The following RABEP2 variants were observed in gnomAD, a reference collection of about 807,000 sequenced individuals.
RABEP2 encodes rab GTPase-binding effector protein 2.
Under a neutral mutation model 74.1 loss-of-function variants are expected in RABEP2, and 57 were observed. The ratio of observed to expected loss-of-function variants is 0.77; its 90% CI spans 0.62 to 0.96. RABEP2 has a LOEUF of 0.96. RABEP2 is among the 40% of genes least tolerant of loss of function. RABEP2 has a pLI of 0.00. For missense variants in RABEP2, 692 were observed against 756.3 expected, an observed-to-expected ratio of 0.91 and a Z score of 1.00; for synonymous variants, 351 against 344.0, an observed-to-expected ratio of 1.02 and a Z score of -0.23.
At chr16:28,907,587 C>T (rs1456542850) in intron 8 of RABEP2, among the ~76,000 whole-genome samples, 1 of 152,166 alleles carries the variant, frequency 6.6e-6, no homozygotes, top group Non-Finnish European at 1.5e-5. Flanking sequence ...GCGTGAGCCA[C>T]TGTGCCCAGC....
intron 2 of RABEP2, among the ~76,000 whole-genome samples, chr16:28,920,471 T>C (rs1964456532): frequency 6.6e-6 from 1 of 151,556 alleles, no homozygotes; most frequent in Non-Finnish European, 1.5e-5. Context: ...CTGCAACCTC[T>C]GCCTGCTGGG....
intron 1 of RABEP2, 44 bp downstream of exon 1, chr16:28,925,059 C>T (rs768831903): frequency 4.5e-6 from 7 of 1,545,702 alleles, no homozygotes; most frequent in South Asian, 2.3e-5. Context: ...GGCCCCGCCC[C>T]CAGCATCACC....
Position 28,905,759 on chromosome 16 carries a change from G to A in RABEP2, c.1436C>T (p.Ala479Val). 6.2e-7 allele frequency: 1 copy of A among 1,614,022 alleles called. No homozygotes were observed. Among genetic ancestry groups the A allele is most frequent in the East Asian group, 2.2e-5 (1 of 44,884 alleles). Reference sequence around the variant, plus strand: ...CTCTGTCCTCAGGCTGCACAGGGAGGCTGGGAAGTCAGGGCAGGGGGAGAC... The same window carrying A: ...CTCTGTCCTCAGGCTGCACAGGGAGACTGGGAAGTCAGGGCAGGGGGAGAC... The part of the protein sequence containing the change: ...VQREETEVLE[A>V]SLCSLRTEME... Residue 479 changes from alanine to valine, a missense_variant and splice_region_variant, in exon 11 of 13, where the codon GCC becomes GTC. By Grantham distance (64) the Ala-to-Val change is moderately conservative. Coordinates refer to ENST00000358201, the MANE Select transcript of RABEP2 (RefSeq NM_024816.3).
At position 28,910,956 on chromosome 16, in the gene RABEP2, A is replaced by C. The variant is rs1300889052; in HGVS notation, c.1021T>G (p.Ser341Ala). The change falls in exon 7 of 13, where the codon TCA (serine) becomes GCA (alanine). Residue 341 changes from serine to alanine, a missense_variant. By Grantham distance (99) the Ser-to-Ala change is moderately conservative (BLOSUM62 1). Coordinates refer to ENST00000358201, the MANE Select transcript of RABEP2 (RefSeq NM_024816.3). The stretch of plus-strand genomic sequence containing the variant: ...TGCAGGGTCCGCAGCAGCTGCTCTG[A>C]GTTCTGGACCTGGGCCAGGAGCACC... ...MQVLLAQVQN[S>A]EQLLRTLQGT... 1.2e-6 allele frequency: 2 copies of C among 1,612,622 alleles called. No individual in the cohort carries two copies. Among genetic ancestry groups the C allele is most frequent in the Admixed American group, 1.7e-5 (1 of 59,942 alleles).
At chr16:28,908,787 A>T (rs769348005) in intron 7 of RABEP2, 23 bp from the exon 8 acceptor site, 28 of 1,610,408 alleles carry the variant, frequency 1.7e-5, no homozygotes, top group Non-Finnish European at 2.2e-5. Flanking sequence ...AGTTAGTATA[A>T]GGCAATGAAG....
intron 8 of RABEP2, among the ~76,000 whole-genome samples, chr16:28,906,401 C>T (rs1237785407): frequency 1.3e-5 from 2 of 152,246 alleles, no homozygotes; most frequent in Admixed American, 6.5e-5. Context: ...TCAGGACACA[C>T]GACCATGCCC....
In RABEP2 at chr16:28,905,040, C is replaced by T. The variant is rs547810304; in HGVS notation, c.1613G>A (p.Arg538His). ...CTCAGCCTGGCGGATCCGCTCTAGG[C>T]GCACCTGCCGGATCGGACGAGGGGA... ...FVRLSQALQV[R>H]LERIRQAETL... Residue 538 changes from arginine (R) to histidine (H), a missense_variant, in exon 13 of 13, where the codon CGC becomes CAC. Coordinates refer to ENST00000358201, the MANE Select transcript of RABEP2 (RefSeq NM_024816.3). 3.7e-6 allele frequency: 6 copies of T among 1,602,884 alleles called. No individual in the cohort carries two copies. Among genetic ancestry groups the T allele is most frequent in the South Asian group, 3.3e-5 (3 of 90,916 alleles).
intron 3 of RABEP2, chr16:28,916,145 C>G (rs570990059): frequency 6.6e-6 from 1 of 152,204 alleles, no homozygotes; most frequent in African/African-American, 2.4e-5. Flanking sequence ...CATGAGCCAC[C>G]GTGCCTGGCC....
At chr16:28,920,937 C>G (rs913465617) in intron 2 of RABEP2, 1 of 278,022 alleles carries the variant, frequency 3.6e-6, no homozygotes, top group Admixed American at 4.6e-5. Flanking sequence ...AATCATGACT[C>G]ACTGCAACCT....
chr16:28,923,573 C>T (rs1490172366), intron 2 of RABEP2, among the ~76,000 whole-genome samples: 1 of 152,110 alleles, frequency 6.6e-6, no homozygotes, highest in Non-Finnish European at 1.5e-5. Flanking sequence ...GTAAACAGCA[C>T]AGTAAGTTGT....
In RABEP2 at chr16:28,925,112, GCCGC is replaced by G. The variant is rs1964518127; in HGVS notation, c.48_51del (p.Pro18GlyfsTer39). On this transcript the variant is annotated frameshift_variant, in exon 1 of 13. Coordinates refer to ENST00000358201, the MANE Select transcript of RABEP2 (RefSeq NM_024816.3). LOFTEE classifies it high-confidence loss of function. ...ACGCCCCCTCACGTACCAGCCCCCGGCCGCCGCCGCCGCTCATCGTCGTCCGCGG... is the reference window on the plus strand; with the variant it reads ...ACGCCCCCTCACGTACCAGCCCCCGGCGCCGCCGCTCATCGTCGTCCGCGG... 4.6e-6 allele frequency: 7 copies of G among 1,531,030 alleles called. No individual in the cohort carries two copies. The highest frequency in any genetic ancestry group is 6.1e-6 in the Non-Finnish European group (7 of 1,144,892). 94.8% of individuals were successfully genotyped at this position (1,531,030 alleles called of 1,614,324 possible). A position where few individuals can be genotyped will look rare whatever the true frequency, so the allele number is the denominator to read the frequency against.
intron 3 of RABEP2, among the ~76,000 whole-genome samples, chr16:28,915,706 G>A (rs370340610): frequency 2.0e-5 from 3 of 148,618 alleles, no homozygotes; most frequent in South Asian, 4.3e-4. Context: ...CACCACGCCC[G>A]GCTAATTTTT....
intron 5 of RABEP2, among the ~76,000 whole-genome samples, chr16:28,912,406 CT>C (rs58094012): frequency 0.32 from 37,327 of 116,772 alleles, 5,366 homozygotes; most frequent in Middle Eastern, 0.42. Flanking sequence ...TTCTTTCTTT[CT>C]TTTTTTTTTT....
At chr16:28,913,553 C>T (rs1302211823) in intron 5 of RABEP2, among the ~76,000 whole-genome samples, 16 of 151,948 alleles carry the variant, frequency 1.1e-4, no homozygotes, top group Admixed American at 1.1e-3. Flanking sequence ...TTGATCTTGG[C>T]TCACTGCAAC....
At position 28,919,950 on chromosome 16, in the gene RABEP2, G is replaced by A. The variant is rs769557331; in HGVS notation, c.275-7C>T. The A allele has an allele frequency of 1.3e-6, 2 of 1,581,350 alleles. No individual in the cohort carries two copies. Among genetic ancestry groups the A allele is most frequent in the East Asian group, 2.3e-5 (1 of 44,026 alleles). Reference sequence around the variant, plus strand: ...TCATAGCTGCTGATGGAGTCTGGTGGGGGAGAGGGAGGGTGGGAGAGAGGG... The same window carrying A: ...TCATAGCTGCTGATGGAGTCTGGTGAGGGAGAGGGAGGGTGGGAGAGAGGG... On this transcript the variant is annotated splice_region_variant and splice_polypyrimidine_tract_variant and intron_variant, in intron 2 of 12. Transcript: ENST00000358201.
Position 28,906,123 on chromosome 16 carries a change from T to A in RABEP2, c.1319A>T (p.Glu440Val). Residue 440 changes from glutamate to valine, a missense_variant, in exon 9 of 13, where the codon GAG becomes GTG. Physicochemically the swap from Glu to Val is moderately radical, Grantham distance 121. Coordinates refer to ENST00000358201, the MANE Select transcript of RABEP2 (RefSeq NM_024816.3). Reference sequence around the variant, plus strand: ...CGTCACGATCTCGATCCGCAGGCGCTCGGCCCCGTGCTCCTGGGCCTGCAG... The same window carrying A: ...CGTCACGATCTCGATCCGCAGGCGCACGGCCCCGTGCTCCTGGGCCTGCAG... ...ARLQAQEHGA[E>V]RLRIEIVTLR... is the part of the protein sequence containing the mutation. 6.3e-7 allele frequency: 1 copy of A among 1,577,406 alleles called. No individual in the cohort carries two copies. Among genetic ancestry groups the A allele is most frequent in the Non-Finnish European group, 8.6e-7 (1 of 1,165,254 alleles).
chr16:28,906,334 C>A, intron 8 of RABEP2, 138 bp from the exon 9 acceptor site: 1 of 1,165,118 alleles, frequency 8.6e-7, no homozygotes, highest in Non-Finnish European at 1.2e-6. Flanking sequence ...GGGGAAGAGC[C>A]CAAAATGCCC....
intron 5 of RABEP2, among the ~76,000 whole-genome samples, chr16:28,913,952 T>TA (rs1964348324): frequency 1.3e-5 from 2 of 150,656 alleles, no homozygotes; most frequent in African/African-American, 2.4e-5. Flanking sequence ...TTTTTTTTTT[T>TA]AACTTTTGTA....
chr16:28,925,019 C>T, intron 1 of RABEP2, 84 bp downstream of exon 1: 1 of 1,411,938 alleles, frequency 7.1e-7, no homozygotes, highest in East Asian at 2.5e-5. Context: ...CATCATCCCT[C>T]TCCACCCCCC....
Sources: allele counts gnomAD v4.1 joint callset (sites outside exome capture counted in the v4.1 genomes callset), GRCh38; gene constraint gnomAD v4.1.1; transcripts MANE v1.5; gene names NCBI Gene and HGNC (gene_info 2026-07-23, HGNC 2026-07-21).